Variants in CNTNAP2 observed in about 807,000 individuals in gnomAD.
CNTNAP2 encodes the protein contactin-associated protein-like 2.
Under a neutral mutation model 155.2 loss-of-function variants are expected in CNTNAP2, and 98 were observed. The observed-to-expected ratio is 0.63, with a 90% CI of 0.54 to 0.75. The LOEUF (loss-of-function observed/expected upper bound fraction) is 0.75, where lower values mean the gene tolerates loss of function less well. CNTNAP2 is among the 30% of genes least tolerant of loss of function. The pLI is 0.00. For missense variants in CNTNAP2, 1,727 were observed against 1,688.1 expected (o/e 1.02, Z -0.40); for synonymous variants, 651 against 631.2 (o/e 1.03, Z -0.47).
At chr7:147,502,607 T>C (rs1379025019) in intron 11 of CNTNAP2, among the ~76,000 whole-genome samples, 1 of 152,102 alleles carries the variant, frequency 6.6e-6, no homozygotes. Context: ...TTATACTGTA[T>C]TGTATACTTG....
At chr7:146,851,929 T>G (rs1280858178) in intron 3 of CNTNAP2, among the ~76,000 whole-genome samples, 1 of 151,856 alleles carries the variant, frequency 6.6e-6, no homozygotes, top group African/African-American at 2.4e-5. Flanking sequence ...CAAGCAGTCC[T>G]CCCACCTCGG....
intron 14 of CNTNAP2, among the ~76,000 whole-genome samples, chr7:147,950,364 CAAAAAAAAAAAAAAAAA>C (rs386411606): frequency 5.6e-4 from 31 of 55,786 alleles, no homozygotes; most frequent in African/African-American, 3.0e-3. Context: ...CATAGAGAGG[CAAAAAAAAAAAAAAAAA>C]AAAAAAAAAA....
intron 1 of CNTNAP2, among the ~76,000 whole-genome samples, chr7:146,754,669 G>A (rs1031232115): frequency 2.6e-5 from 4 of 151,422 alleles, no homozygotes; most frequent in African/African-American, 9.7e-5. Flanking sequence ...AGAGTCGAAT[G>A]GTATCTCTAC....
At chr7:147,741,584 C>T (rs1796957900) in intron 13 of CNTNAP2, among the ~76,000 whole-genome samples, 1 of 152,160 alleles carries the variant, frequency 6.6e-6, no homozygotes, top group South Asian at 2.1e-4. Flanking sequence ...ATGGTTTATA[C>T]ATACTTTTGT....
chr7:146,897,588 T>C (rs968742606), intron 3 of CNTNAP2, among the ~76,000 whole-genome samples: 7 of 152,052 alleles, frequency 4.6e-5, no homozygotes, highest in Admixed American at 6.6e-5. Context: ...CGCAGATTTT[T>C]TTTTTTTCTT....
At chr7:147,207,322 A>C (rs1297917134) in intron 8 of CNTNAP2, among the ~76,000 whole-genome samples, 1 of 152,206 alleles carries the variant, frequency 6.6e-6, no homozygotes, top group African/African-American at 2.4e-5. Flanking sequence ...AGTTTACTAC[A>C]TTGGAGTATT....
chr7:147,584,079 C>T (rs890981018), intron 12 of CNTNAP2, among the ~76,000 whole-genome samples: 2 of 152,058 alleles, frequency 1.3e-5, no homozygotes, highest in East Asian at 1.9e-4. Flanking sequence ...TGATTCAAGC[C>T]GCAAAGTGTT....
At chr7:146,830,227 T>C (rs905959312) in intron 2 of CNTNAP2, among the ~76,000 whole-genome samples, 3 of 148,042 alleles carry the variant, frequency 2.0e-5, no homozygotes, top group African/African-American at 7.5e-5. Context: ...TTCCAGAAAC[T>C]TTTACAATTT....
chr7:147,853,086 G>T (rs1427485024), intron 13 of CNTNAP2, among the ~76,000 whole-genome samples: 1 of 152,156 alleles, frequency 6.6e-6, no homozygotes, highest in Non-Finnish European at 1.5e-5. Flanking sequence ...GTAAGGCTGT[G>T]CTACTCCCAC....
chr7:146,179,253 A>T (rs1305846092), intron 1 of CNTNAP2, among the ~76,000 whole-genome samples: 1 of 152,140 alleles, frequency 6.6e-6, no homozygotes, highest in Non-Finnish European at 1.5e-5. Flanking sequence ...GCCGTTCTGG[A>T]CAGGGTATCG....
chr7:147,520,393 G>T (rs1037725053), intron 11 of CNTNAP2, among the ~76,000 whole-genome samples: 1 of 152,130 alleles, frequency 6.6e-6, no homozygotes, highest in African/African-American at 2.4e-5. Flanking sequence ...TTTCTCAGAA[G>T]GATGATTTTG....
intron 3 of CNTNAP2, among the ~76,000 whole-genome samples, chr7:146,900,799 A>G (rs1183865847): frequency 6.6e-6 from 1 of 152,110 alleles, no homozygotes; most frequent in Non-Finnish European, 1.5e-5. Context: ...TTACACTCCT[A>G]TGCTCACTTG....
intron 11 of CNTNAP2, among the ~76,000 whole-genome samples, chr7:147,526,208 AGG>A (rs1416329315): frequency 6.6e-6 from 1 of 151,276 alleles, no homozygotes; most frequent in African/African-American, 2.4e-5. Context: ...AAAAAAAAAA[AGG>A]AAAAGAAAAT....
intron 8 of CNTNAP2, among the ~76,000 whole-genome samples, chr7:147,152,734 T>C (rs1801851613): frequency 6.6e-6 from 1 of 152,118 alleles, no homozygotes; most frequent in African/African-American, 2.4e-5. Flanking sequence ...ATTAGACAAA[T>C]ATATACTGTA....
chr7:146,915,071 G>A (rs955900682), intron 3 of CNTNAP2, among the ~76,000 whole-genome samples: 1 of 152,040 alleles, frequency 6.6e-6, no homozygotes, highest in Non-Finnish European at 1.5e-5. Context: ...TTGTTAAATA[G>A]GGTATACTTT....
At chr7:147,286,308 T>C (rs1221824626) in intron 8 of CNTNAP2, among the ~76,000 whole-genome samples, 1 of 152,056 alleles carries the variant, frequency 6.6e-6, no homozygotes, top group Non-Finnish European at 1.5e-5. Context: ...ATTGTAATAA[T>C]AATAATGAAA....
chr7:147,417,105 AAG>A (rs1797206624), intron 10 of CNTNAP2, among the ~76,000 whole-genome samples: 1 of 151,830 alleles, frequency 6.6e-6, no homozygotes, highest in African/African-American at 2.4e-5. Context: ...AAAAAAAAAA[AAG>A]ATTCAATTTT....
chr7:147,466,460 C>T (rs1043555692), intron 10 of CNTNAP2, among the ~76,000 whole-genome samples: 1 of 152,052 alleles, frequency 6.6e-6, no homozygotes, highest in African/African-American at 2.4e-5. Context: ...TTCTATGACC[C>T]ACTTTGGGGA....
chr7:146,262,857 G>A (rs754732785), intron 1 of CNTNAP2, among the ~76,000 whole-genome samples: 20 of 152,118 alleles, frequency 1.3e-4, no homozygotes, highest in Admixed American at 1.3e-4. Context: ...TTACAAATAT[G>A]CAGAAAGTAA....
Sources: gnomAD v4.1 joint callset for allele counts (sites outside exome capture counted in the v4.1 genomes callset) on GRCh38, gnomAD v4.1.1 for gene constraint, MANE v1.5 for transcripts, NCBI Gene and HGNC (gene_info 2026-07-23, HGNC 2026-07-21) for gene names.